The following CCDC66 variants were observed in gnomAD, a reference collection of about 807,000 sequenced individuals.
The protein encoded by CCDC66 is coiled-coil domain-containing protein 66.
In CCDC66, 133 loss-of-function variants were observed where a neutral mutation model predicts 128.3. The observed-to-expected ratio is 1.04, with a 90% CI of 0.90 to 1.20. CCDC66 has a LOEUF of 1.20. Ranked by LOEUF, CCDC66 falls within the 50% of genes most tolerant of loss-of-function variation. CCDC66 has a pLI of 0.00. For missense variants in CCDC66, 1,126 were observed against 1,075.5 expected (o/e 1.05, Z -0.66); for synonymous variants, 387 against 357.0 (o/e 1.08, Z -0.95).
intron 16 of CCDC66, 24 bp downstream of exon 16, chr3:56,619,551 A>C: frequency 1.3e-6 from 2 of 1,563,370 alleles, no homozygotes; most frequent in Non-Finnish European, 1.7e-6. Flanking sequence ...AAGCATTCTA[A>C]CTGTAAAAAT....
At chr3:56,571,436 C>T in intron 7 of CCDC66, 134 bp downstream of exon 7, 1 of 554,882 alleles carries the variant, frequency 1.8e-6, no homozygotes, top group Non-Finnish European at 3.0e-6. Context: ...GGCTGGAATG[C>T]AGTGGCACAG....
At chr3:56,560,659 G>T (rs1003086324) in intron 3 of CCDC66, among the ~76,000 whole-genome samples, 1 of 152,212 alleles carries the variant, frequency 6.6e-6, no homozygotes, top group Non-Finnish European at 1.5e-5. Context: ...GATGGAGGTT[G>T]TAGTGAGCCG....
rs770642630 is a variant in CCDC66, at chr3:56,615,188, G to A, written c.1627G>A (p.Ala543Thr). 5 of 1,614,008 alleles carry A rather than the reference G, an allele frequency of 3.1e-6. No homozygotes were observed. The highest frequency in any genetic ancestry group is 3.4e-6 in the Non-Finnish European group (4 of 1,179,970). The stretch of plus-strand genomic sequence containing the variant: ...GACAATGCAGCGAGCACAGGAACTG[G>A]CACAGAGACTAAAACAAGAACAAAG... Reference protein sequence around the residue: ...FQTMQRAQELAQRLKQEQRIR... With the variant: ...FQTMQRAQELTQRLKQEQRIR... The change falls in exon 12 of 18, where the codon GCA (alanine) becomes ACA (threonine). Residue 543 changes from alanine (A) to threonine (T), a missense_variant. Ala to Thr is a moderately conservative substitution (Grantham distance 58, BLOSUM62 0). Coordinates refer to ENST00000394672, the MANE Select transcript of CCDC66 (RefSeq NM_001141947.3).
At position 56,593,648 on chromosome 3, in the gene CCDC66, C is replaced by T. The variant is rs1286169913; in HGVS notation, c.1226C>T (p.Thr409Ile). Residue 409 changes from threonine (T) to isoleucine (I), a missense_variant, in exon 9 of 18, where the codon ACA (threonine) becomes ATA (isoleucine). Coordinates refer to ENST00000394672, the MANE Select transcript of CCDC66 (RefSeq NM_001141947.3). The part of the protein sequence containing the change: ...QELADVSSVC[T>I]PTTGSQVEPS... ...CTGGCTGATGTCAGCAGTGTTTGTA[C>T]ACCTACAACCGGAAGCCAGGTTGAA... 2 of 1,614,166 alleles carry T rather than the reference C, an allele frequency of 1.2e-6. No homozygotes were observed. The highest frequency in any genetic ancestry group is 4.5e-5 in the East Asian group (2 of 44,882).
chr3:56,591,732 G>C (rs908167263), intron 7 of CCDC66, among the ~76,000 whole-genome samples: 8 of 152,200 alleles, frequency 5.3e-5, no homozygotes, highest in Non-Finnish European at 1.0e-4. Context: ...AATCTGGTTA[G>C]AATGTAGGAG....
chr3:56,598,948 G>A (rs2072640796), intron 10 of CCDC66, among the ~76,000 whole-genome samples: 1 of 152,008 alleles, frequency 6.6e-6, no homozygotes, highest in African/African-American at 2.4e-5. Flanking sequence ...ATGAGTTAGG[G>A]AAAATTCCCT....
intron 4 of CCDC66, among the ~76,000 whole-genome samples, chr3:56,566,231 C>T (rs1230438159): frequency 6.6e-6 from 1 of 152,060 alleles, no homozygotes; most frequent in South Asian, 2.1e-4. Flanking sequence ...CTCAACCCAT[C>T]CTCCCACCTC....
intron 15 of CCDC66, 100 bp downstream of exon 15, chr3:56,618,312 G>A: frequency 2.9e-6 from 3 of 1,049,548 alleles, no homozygotes; most frequent in Middle Eastern, 4.2e-4. Flanking sequence ...TATATGTAGA[G>A]AACAATCAGA....
chr3:56,596,758 ATTTTTTTTTT>A (rs35527957), intron 10 of CCDC66, among the ~76,000 whole-genome samples: 1 of 96,856 alleles, frequency 1.0e-5, no homozygotes, highest in African/African-American at 3.9e-5. Context: ...TCCATCTTGA[ATTTTTTTTTT>A]TTTTTTTTTT....
intron 6 of CCDC66, chr3:56,570,670 C>CCTATTCCAATAAAA (rs2066508227): frequency 1.7e-5 from 1 of 59,460 alleles, no homozygotes; most frequent in Admixed American, 1.8e-4. Context: ...ATCGCTTGAA[C>CCTATTCCAATAAAA]CTGGGAGGCG....
chr3:56,620,336 T>C (rs1256149765), intron 17 of CCDC66: 2 of 154,198 alleles, frequency 1.3e-5, no homozygotes, highest in South Asian at 2.0e-4. Flanking sequence ...TATGAAATTA[T>C]ACGCATAACC....
rs2071308999 is a variant in CCDC66 at position 56,593,492 on chromosome 3, G to T, written c.1070G>T (p.Gly357Val). The change falls in exon 9 of 18, where the codon GGT becomes GTT. Residue 357 changes from glycine (G) to valine (V), a missense_variant and splice_region_variant. Coordinates refer to ENST00000394672, the MANE Select transcript of CCDC66 (RefSeq NM_001141947.3). ...KIEEKIIYSK[G>V]EEHDRWAMHF... Reference sequence around the variant, plus strand: ...GCAATTCTTATTTGTCATCATTAGGGTGAGGAACATGACAGATGGGCAATG... The same window carrying T: ...GCAATTCTTATTTGTCATCATTAGGTTGAGGAACATGACAGATGGGCAATG... 1 of 1,613,404 alleles carries T rather than the reference G, an allele frequency of 6.2e-7. No homozygotes were observed. Among genetic ancestry groups the T allele is most frequent in the African/African-American group, 1.3e-5 (1 of 75,010 alleles).
In CCDC66 at chr3:56,601,759, A is replaced by G. The variant is rs147304641; in HGVS notation, c.1404+7731A>G. ...AGTTGTGAATGGGAGTTCACTCATG[A>G]TTTGGCTGTTTGTCTGTTATTGGTG... On this transcript the variant is annotated intron_variant, in intron 10 of 17. Coordinates refer to ENST00000394672, the MANE Select transcript of CCDC66 (RefSeq NM_001141947.3). 4.0e-4 allele frequency among the ~76,000 whole-genome samples: 61 copies of G among 151,944 alleles called. 1 individual carries two copies. In the East Asian group the frequency reaches 0.012, roughly 29 times the overall value.
At chr3:56,572,979 AC>A (rs1389098513) in intron 7 of CCDC66, 1 of 152,230 alleles carries the variant, frequency 6.6e-6, no homozygotes, top group East Asian at 1.9e-4. Flanking sequence ...GTATGCAGAC[AC>A]CGTTAAAAGT....
Position 56,621,593 on chromosome 3 carries a change from A to G in CCDC66, c.2822A>G (p.Glu941Gly), listed in dbSNP as rs144848139. 4,022 of 1,599,726 alleles carry G rather than the reference A, an allele frequency of 2.5e-3. 6 individuals are homozygous for G. The highest frequency in any genetic ancestry group is 6.2e-3 in the Middle Eastern group (37 of 6,006). Residue 941 changes from glutamate (E) to glycine (G), a missense_variant, in exon 18 of 18, where the codon GAA (glutamate) becomes GGA (glycine). By Grantham distance (98) the Glu-to-Gly change is moderately conservative (BLOSUM62 -2). Transcript: ENST00000394672. ...SSLLPLAENQ[E>G]ESFGSSF ...CTCCTGCCTTTAGCTGAAAATCAAG[A>G]AGAGAGTTTTGGTTCTTCATTTTAA...
Position 56,557,236 on chromosome 3 carries a change from T to A in CCDC66, c.-7T>A. The A allele has an allele frequency of 1.4e-6, 2 of 1,380,600 alleles. No homozygotes were observed. The highest frequency in any genetic ancestry group is 2.0e-6 in the Non-Finnish European group (2 of 1,005,794). The allele number at this position is 1,380,600 out of a possible 1,614,324, so 85.5% of individuals were successfully genotyped here. A position where few individuals can be genotyped will look rare whatever the true frequency, so the allele number is the denominator to read the frequency against. On this transcript the variant is annotated 5_prime_UTR_variant, in exon 1 of 18. Coordinates refer to ENST00000394672, the MANE Select transcript of CCDC66 (RefSeq NM_001141947.3). ...AGCGTTCTGTGGAGAGAGTGCGAGG[T>A]CAGGCCATGAACTTGGGGTAAGCAG...
chr3:56,562,197 C>T (rs2065195653), intron 3 of CCDC66, among the ~76,000 whole-genome samples: 1 of 151,792 alleles, frequency 6.6e-6, no homozygotes, highest in Non-Finnish European at 1.5e-5. Context: ...CGTGCCCACA[C>T]CACCAGGCTC....
chr3:56,594,091 T>A, intron 10 of CCDC66, 63 bp downstream of exon 10: 3 of 1,414,420 alleles, frequency 2.1e-6, no homozygotes, highest in Non-Finnish European at 3.0e-6. Context: ...AACATATACC[T>A]AAGTAAATGG....
intron 7 of CCDC66, among the ~76,000 whole-genome samples, chr3:56,591,094 G>A (rs570525603): frequency 6.6e-6 from 1 of 152,226 alleles, no homozygotes; most frequent in East Asian, 1.9e-4. Flanking sequence ...AATGCACATT[G>A]GGAGAGACTT....
Sources: gnomAD v4.1 joint callset for allele counts (sites outside exome capture counted in the v4.1 genomes callset) on GRCh38, gnomAD v4.1.1 for gene constraint, MANE v1.5 for transcripts, NCBI Gene and HGNC (gene_info 2026-07-23, HGNC 2026-07-21) for gene names.